ONECUT2: variants seen among roughly 807,000 people sequenced by gnomAD.
ONECUT2 encodes the protein one cut domain family member 2.
ONECUT2 carries 10 observed loss-of-function variants against 27.9 expected under a neutral mutation model. The observed-to-expected ratio is 0.36, with a 90% CI of 0.22 to 0.61. The LOEUF (loss-of-function observed/expected upper bound fraction) is 0.61. Ranked by LOEUF, ONECUT2 falls within the 20% of genes least tolerant of loss-of-function variation. The pLI is 0.73. For synonymous variants in ONECUT2, 334 were observed against 315.1 expected (o/e 1.06, Z -0.64); for missense variants, 686 against 721.0 (o/e 0.95, Z 0.56).
rs191321178 is a variant in ONECUT2, at chr18:57,466,257, A to G, written c.1229-10180A>G. Among the ~76,000 whole-genome samples, 193 of 152,274 alleles carry G rather than the reference A, an allele frequency of 1.3e-3. 2 individuals carry two copies. Among genetic ancestry groups the G allele is most frequent in the African/African-American group, 4.2e-3 (174 of 41,562 alleles). On this transcript the variant is annotated intron_variant, in intron 1 of 1. Coordinates refer to ENST00000491143, the MANE Select transcript of ONECUT2 (RefSeq NM_004852.3). ...ATTTCTCAACAGTTGGAGGACTCAG[A>G]TGTTATTTTTTCAATCCTGATGTCC...
chr18:57,469,837 T>A (rs1397761861), intron 1 of ONECUT2, among the ~76,000 whole-genome samples: 1 of 152,224 alleles, frequency 6.6e-6, no homozygotes, highest in Non-Finnish European at 1.5e-5. Context: ...CCTGGAGTGC[T>A]GGACATTAGC....
chr18:57,468,119 G>T (rs1048614714), intron 1 of ONECUT2, among the ~76,000 whole-genome samples: 7 of 152,348 alleles, frequency 4.6e-5, no homozygotes, highest in African/African-American at 1.4e-4. Context: ...GAAAGGAGGA[G>T]GGGAACCTAA....
At chr18:57,442,896 C>CT (rs2050183386) in intron 1 of ONECUT2, among the ~76,000 whole-genome samples, 1 of 152,232 alleles carries the variant, frequency 6.6e-6, no homozygotes, top group Admixed American at 6.5e-5. Context: ...TTTACCATCC[C>CT]AAGTGCCAGA....
At chr18:57,437,024 C>T (rs1022638020) in intron 1 of ONECUT2, 80 bp downstream of exon 1, 1 of 1,480,844 alleles carries the variant, frequency 6.8e-7, no homozygotes, top group African/African-American at 1.4e-5. Context: ...GTCTGCGCGC[C>T]GAGTCACTTC....
At chr18:57,475,923 A>C (rs951583182) in intron 1 of ONECUT2, among the ~76,000 whole-genome samples, 2 of 152,122 alleles carry the variant, frequency 1.3e-5, no homozygotes, top group African/African-American at 4.8e-5. Flanking sequence ...GTCACTTCTA[A>C]ATTCATTCTG....
chr18:57,461,618 G>T (rs1158569084), intron 1 of ONECUT2, among the ~76,000 whole-genome samples: 1 of 152,228 alleles, frequency 6.6e-6, no homozygotes, highest in Non-Finnish European at 1.5e-5. Context: ...AGTAGAGTGG[G>T]CAAATGGAGC....
chr18:57,455,393 C>T (rs190599181), intron 1 of ONECUT2, among the ~76,000 whole-genome samples: 41 of 152,318 alleles, frequency 2.7e-4, no homozygotes, highest in Non-Finnish European at 4.1e-4. Context: ...TAAACAGTCT[C>T]TAGTATCCTT....
rs1022309517 is a variant in ONECUT2 at position 57,490,293 on chromosome 18, T to C, written c.*13570T>C. ...TATCTTTTCTTCCATCCAGTTTTGTTCTCAGAATCCAAGTCAGTCCTGGGT... is the reference window on the plus strand; with the variant it reads ...TATCTTTTCTTCCATCCAGTTTTGTCCTCAGAATCCAAGTCAGTCCTGGGT... On this transcript the variant is annotated 3_prime_UTR_variant, in exon 2 of 2. Coordinates refer to ENST00000491143, the MANE Select transcript of ONECUT2 (RefSeq NM_004852.3). 1 of 152,220 alleles carries C rather than the reference T, an allele frequency of 6.6e-6. No individual in the cohort carries two copies. The highest frequency in any genetic ancestry group is 1.5e-5 in the Non-Finnish European group (1 of 68,036). The allele number at this position is 152,220 out of a possible 1,614,324, so 9.4% of individuals were successfully genotyped here. A position where few individuals can be genotyped will look rare whatever the true frequency, so the allele number is the denominator to read the frequency against.
In ONECUT2 at chr18:57,487,557, T is replaced by C. The variant is rs1233179618; in HGVS notation, c.*10834T>C. ...CTCAAATGGCATCAATATTACTAAC[T>C]CTTCTCTGCCCACTTCTCTTTTGTC... On this transcript the variant is annotated 3_prime_UTR_variant, in exon 2 of 2. Transcript: ENST00000491143. The C allele has an allele frequency of 6.6e-6, 1 of 152,098 alleles. No individual in the cohort carries two copies. Among genetic ancestry groups the C allele is most frequent in the Non-Finnish European group, 1.5e-5 (1 of 68,008 alleles). 9.4% of individuals were successfully genotyped at this position (152,098 alleles called of 1,614,324 possible).
At chr18:57,437,566 G>T (rs2050149812) in intron 1 of ONECUT2, among the ~76,000 whole-genome samples, 1 of 152,196 alleles carries the variant, frequency 6.6e-6, no homozygotes, top group South Asian at 2.1e-4. Context: ...AGCGCTCCTG[G>T]AGCCCATCTC....
chr18:57,444,781 A>G (rs1029323028), intron 1 of ONECUT2, among the ~76,000 whole-genome samples: 5 of 152,116 alleles, frequency 3.3e-5, no homozygotes, highest in African/African-American at 1.2e-4. Flanking sequence ...CGTTCAATAG[A>G]TTTACCCTTC....
chr18:57,490,432 C>A lies in ONECUT2; in HGVS notation c.*13709C>A, dbSNP rs2050459680. 1 of 152,132 alleles carries A rather than the reference C, an allele frequency of 6.6e-6. No individual in the cohort carries two copies. Among genetic ancestry groups the A allele is most frequent in the African/African-American group, 2.4e-5 (1 of 41,412 alleles). 9.4% of individuals were successfully genotyped at this position (152,132 alleles called of 1,614,324 possible). A position where few individuals can be genotyped will look rare whatever the true frequency, so the allele number is the denominator to read the frequency against. On this transcript the variant is annotated 3_prime_UTR_variant, in exon 2 of 2. Transcript: ENST00000491143. ...TGCATCCTTTGTTCTATACTGTTGA[C>A]TGCTTGATGGTATTGAAAGGTGACT...
intron 1 of ONECUT2, among the ~76,000 whole-genome samples, chr18:57,451,556 C>T (rs1390950069): frequency 6.6e-6 from 1 of 152,180 alleles, no homozygotes; most frequent in Admixed American, 6.5e-5. Flanking sequence ...TGCCCTCTTC[C>T]TAAAGGAAGC....
At chr18:57,455,851 C>A (rs1255463109) in intron 1 of ONECUT2, among the ~76,000 whole-genome samples, 1 of 152,146 alleles carries the variant, frequency 6.6e-6, no homozygotes, top group Non-Finnish European at 1.5e-5. Flanking sequence ...ACTTTAACAT[C>A]TTCTAGAACT....
intron 1 of ONECUT2, among the ~76,000 whole-genome samples, chr18:57,445,032 T>A (rs1370169458): frequency 6.6e-6 from 1 of 152,220 alleles, no homozygotes; most frequent in Non-Finnish European, 1.5e-5. Flanking sequence ...TCTTTTTTTT[T>A]ATGAGAAAAG....
In ONECUT2 at chr18:57,476,700, T is replaced by A. The variant is rs780968656; in HGVS notation, c.1492T>A (p.Ser498Thr). The change falls in exon 2 of 2, where the codon TCC becomes ACC. Residue 498 changes from serine (S) to threonine (T), a missense_variant. Ser to Thr is a moderately conservative substitution (Grantham distance 58). This residue lies in a region of ONECUT2 where 77 missense variants were observed against 105.5 expected (regional missense o/e 0.73). Coordinates refer to ENST00000491143, the MANE Select transcript of ONECUT2 (RefSeq NM_004852.3). ...DLSTGGSSSTSSTCTKA is the reference protein window; with the variant it reads ...DLSTGGSSSTTSTCTKA ...GAGCACAGGGGGCTCCTCGTCCACC[T>A]CCAGCACGTGTACCAAAGCATGATG... The A allele has an allele frequency of 6.2e-7, 1 of 1,614,030 alleles. No individual in the cohort carries two copies. Among genetic ancestry groups the A allele is most frequent in the South Asian group, 1.1e-5 (1 of 91,072 alleles).
At chr18:57,448,437 A>C (rs2144307557) in intron 1 of ONECUT2, among the ~76,000 whole-genome samples, 1 of 152,362 alleles carries the variant, frequency 6.6e-6, no homozygotes, top group South Asian at 2.1e-4. Flanking sequence ...TTGATGTTGA[A>C]AAAAATTGTT....
In ONECUT2 at chr18:57,436,254, C is replaced by G; in HGVS notation, c.538C>G (p.His180Asp). Residue 180 changes from histidine (H) to aspartate (D), a missense_variant, in exon 1 of 2, where the codon CAC becomes GAC. By Grantham distance (81) the His-to-Asp change is moderately conservative. This residue lies in a region of ONECUT2 where 511 missense variants were observed against 488.1 expected (regional missense o/e 1.05). Coordinates refer to ENST00000491143, the MANE Select transcript of ONECUT2 (RefSeq NM_004852.3). This position sits in a 1 kb window ranked among gnomAD's most constrained non-coding sequence, Gnocchi z 5.9. ...CCCGCACCACCATCCGCACCACCAC[C>G]ACCACCACCACCACCAGCGCCTGTC... ...PHPHHHPHHH[H>D]HHHHQRLSGN... 1 of 1,601,942 alleles carries G rather than the reference C, an allele frequency of 6.2e-7. No individual in the cohort carries two copies. Among genetic ancestry groups the G allele is most frequent in the South Asian group, 1.1e-5 (1 of 90,416 alleles).
chr18:57,467,235 G>A (rs1439952660), intron 1 of ONECUT2: 1 of 455,920 alleles, frequency 2.2e-6, no homozygotes, highest in African/African-American at 2.0e-5. Context: ...GTGGACACTG[G>A]GGAGTTGCTC....
Sources: allele counts gnomAD v4.1 joint callset (sites outside exome capture counted in the v4.1 genomes callset), GRCh38; gene constraint gnomAD v4.1.1; regional missense constraint gnomAD v4.1.1; non-coding constraint Gnocchi (gnomAD v3.1); transcripts MANE v1.5; gene names NCBI Gene and HGNC (gene_info 2026-07-23, HGNC 2026-07-21).